CENPQ: variants seen among roughly 807,000 people sequenced by gnomAD.
CENPQ encodes centromere protein Q.
A neutral mutation model predicts 36.6 loss-of-function variants in CENPQ; 27 were observed. The ratio of observed to expected loss-of-function variants is 0.74; its 90% CI spans 0.54 to 1.02. The LOEUF (loss-of-function observed/expected upper bound fraction) is 1.02, where lower values mean the gene tolerates loss of function less well. Ranked by LOEUF, CENPQ falls within the 50% of genes least tolerant of loss-of-function variation. The pLI is 0.00. For synonymous variants in CENPQ, 101 were observed against 101.7 expected, an observed-to-expected ratio of 0.99 and a Z score of 0.04; for missense variants, 306 against 301.8, an observed-to-expected ratio of 1.01 and a Z score of -0.10.
chr6:49,471,146 C>G lies in CENPQ; in HGVS notation c.157+118C>G, dbSNP rs1768124629. 1.3e-5 allele frequency: 7 copies of G among 527,128 alleles called. No individual in the cohort carries two copies. The East Asian group carries it at 2.3e-4, about 18-fold the overall frequency. 32.7% of individuals were successfully genotyped at this position (527,128 alleles called of 1,614,324 possible). A position where few individuals can be genotyped will look rare whatever the true frequency, so the allele number is the denominator to read the frequency against. On this transcript the variant is annotated intron_variant, in intron 3 of 8. Transcript: ENST00000335783. ...TGCAAAAGATAGTAATAAACAACTA[C>G]ATTTGCATTTTTGTAAGAATATGTA... is the stretch of plus-strand genomic sequence containing the variant.
intron 6 of CENPQ, among the ~76,000 whole-genome samples, chr6:49,482,704 G>A (rs377215850): frequency 6.6e-6 from 1 of 152,140 alleles, no homozygotes. Flanking sequence ...TCACCGCTTG[G>A]CGATAGGCGA....
chr6:49,483,527 C>T (rs2448705), intron 6 of CENPQ, among the ~76,000 whole-genome samples: 62,315 of 151,974 alleles, frequency 0.41, 13,144 homozygotes, highest in Admixed American at 0.56. Context: ...GGGGGAGGCT[C>T]AGGCATGTCG....
rs1768177309 is a variant in CENPQ, at chr6:49,472,867, A to G, written c.347+9A>G. On this transcript the variant is annotated intron_variant, in intron 5 of 8. Transcript: ENST00000335783. Reference sequence around the variant, plus strand: ...AACTTCCTGAAGAAAAGGTAATACTATTGCATAATTAAAATGATTAAAACA... The same window carrying G: ...AACTTCCTGAAGAAAAGGTAATACTGTTGCATAATTAAAATGATTAAAACA... 2 of 1,384,756 alleles carry G rather than the reference A, an allele frequency of 1.4e-6. No homozygotes were observed. Among genetic ancestry groups the G allele is most frequent in the Non-Finnish European group, 1.9e-6 (2 of 1,030,522 alleles). 85.8% of individuals were successfully genotyped at this position (1,384,756 alleles called of 1,614,324 possible).
chr6:49,490,852 A>G (rs1476699758), intron 8 of CENPQ, among the ~76,000 whole-genome samples: 7 of 152,166 alleles, frequency 4.6e-5, no homozygotes, highest in African/African-American at 1.7e-4. Context: ...ACAATTACCA[A>G]TTCAGTTCAC....
At chr6:49,481,351 A>G (rs1424053219) in intron 6 of CENPQ, among the ~76,000 whole-genome samples, 3 of 152,128 alleles carry the variant, frequency 2.0e-5, no homozygotes, top group Non-Finnish European at 4.4e-5. Flanking sequence ...TTCAAGAATG[A>G]AGCTGCGGAC....
chr6:49,489,217 G>A (rs1396998644), intron 8 of CENPQ, among the ~76,000 whole-genome samples: 1 of 152,134 alleles, frequency 6.6e-6, no homozygotes, highest in East Asian at 1.9e-4. Flanking sequence ...AGCTTTGTCA[G>A]CTAAGTTTTT....
At chr6:49,479,131 TAG>T (rs530589771) in intron 5 of CENPQ, among the ~76,000 whole-genome samples, 2 of 152,200 alleles carry the variant, frequency 1.3e-5, no homozygotes, top group Non-Finnish European at 2.9e-5. Context: ...TCTAAATAAC[TAG>T]AGTTTGTCTT....
At chr6:49,482,089 G>C (rs1307565601) in intron 6 of CENPQ, among the ~76,000 whole-genome samples, 1 of 152,228 alleles carries the variant, frequency 6.6e-6, no homozygotes, top group East Asian at 1.9e-4. Flanking sequence ...CATTGCCTGG[G>C]GCTGGCAGGG....
At chr6:49,477,599 A>G (rs546465863) in intron 5 of CENPQ, among the ~76,000 whole-genome samples, 26 of 152,078 alleles carry the variant, frequency 1.7e-4, no homozygotes, top group African/African-American at 6.0e-4. Flanking sequence ...TCTGTTTCTC[A>G]GTTTCAAGTT....
intron 6 of CENPQ, among the ~76,000 whole-genome samples, chr6:49,482,172 G>T (rs778541558): frequency 6.6e-6 from 1 of 152,142 alleles, no homozygotes; most frequent in African/African-American, 2.4e-5. Flanking sequence ...CGCAAGCACC[G>T]CGCGCAGCCC....
At chr6:49,473,590 T>A (rs952903015) in intron 5 of CENPQ, among the ~76,000 whole-genome samples, 1 of 152,154 alleles carries the variant, frequency 6.6e-6, no homozygotes, top group Non-Finnish European at 1.5e-5. Context: ...AGACCATCGA[T>A]GCTAGGAAGA....
At position 49,472,835 on chromosome 6, in the gene CENPQ, C is replaced by T; in HGVS notation, c.324C>T (p.Tyr108=). 1 of 1,448,796 alleles carries T rather than the reference C, an allele frequency of 6.9e-7. No individual in the cohort carries two copies. Among genetic ancestry groups the T allele is most frequent in the Non-Finnish European group, 9.4e-7 (1 of 1,068,084 alleles). 89.7% of individuals were successfully genotyped at this position (1,448,796 alleles called of 1,614,324 possible). Residue 108 remains tyrosine (Y), a synonymous_variant, in exon 5 of 9, where the codon TAC becomes TAT. Coordinates refer to ENST00000335783, the MANE Select transcript of CENPQ (RefSeq NM_018132.4). ...NSIKEKEEIQ[Y]HLNFLKKRLL... ...TTAAAGAAAAAGAAGAAATACAATA[C>T]CATCTCAACTTCCTGAAGAAAAGGT...
chr6:49,484,551 A>G (rs983101715), intron 6 of CENPQ, among the ~76,000 whole-genome samples: 2 of 152,240 alleles, frequency 1.3e-5, no homozygotes, highest in East Asian at 1.9e-4. Context: ...GATGTGGTGC[A>G]TAGATTTTAG....
intron 5 of CENPQ, among the ~76,000 whole-genome samples, chr6:49,476,171 C>G (rs1581848451): frequency 6.6e-6 from 1 of 152,062 alleles, no homozygotes; most frequent in African/African-American, 2.4e-5. Flanking sequence ...TGACTTCAAA[C>G]TATATAAAAA....
intron 1 of CENPQ, among the ~76,000 whole-genome samples, chr6:49,469,361 A>G (rs1205256788): frequency 2.0e-5 from 3 of 152,226 alleles, no homozygotes; most frequent in Admixed American, 2.0e-4. Flanking sequence ...ATATATAGCT[A>G]ATATGTGCAT....
At chr6:49,491,863 C>T (rs1768728337) in intron 8 of CENPQ, among the ~76,000 whole-genome samples, 1 of 152,108 alleles carries the variant, frequency 6.6e-6, no homozygotes, top group Non-Finnish European at 1.5e-5. Context: ...TGCAGTGAGC[C>T]AGGACTGCGC....
Position 49,470,209 on chromosome 6 carries a change from C to T in CENPQ, c.33C>T (p.Asn11=), listed in dbSNP as rs751738555. ...GTAAAGCAAATGCTTCCAAGAAAAACGCTCAACAGTTAAAAAGAAATCCAA... is the reference window on the plus strand; with the variant it reads ...GTAAAGCAAATGCTTCCAAGAAAAATGCTCAACAGTTAAAAAGAAATCCAA... The part of the protein sequence containing the change: MSGKANASKK[N]AQQLKRNPKR... Residue 11 remains asparagine, a synonymous_variant, in exon 2 of 9, where the codon AAC becomes AAT. Coordinates refer to ENST00000335783, the MANE Select transcript of CENPQ (RefSeq NM_018132.4). 3.5e-5 allele frequency: 56 copies of T among 1,603,896 alleles called. 1 individual carries two copies. In the South Asian group the frequency reaches 5.0e-4, roughly 14 times the overall value.
chr6:49,464,667 CA>C (rs1449339686), intron 1 of CENPQ, among the ~76,000 whole-genome samples: 3 of 152,204 alleles, frequency 2.0e-5, no homozygotes, highest in Non-Finnish European at 4.4e-5. Flanking sequence ...GCATCTTCAC[CA>C]GGGGTAGATT....
At chr6:49,466,172 C>T (rs1223181874) in intron 1 of CENPQ, among the ~76,000 whole-genome samples, 4 of 152,092 alleles carry the variant, frequency 2.6e-5, no homozygotes, top group Non-Finnish European at 5.9e-5. Context: ...CAAAACACAA[C>T]GCAACATTTA....
Sources: gnomAD v4.1 joint callset for allele counts (sites outside exome capture counted in the v4.1 genomes callset) on GRCh38, gnomAD v4.1.1 for gene constraint, MANE v1.5 for transcripts, NCBI Gene and HGNC (gene_info 2026-07-23, HGNC 2026-07-21) for gene names.